The following GTPBP4 variants were observed in gnomAD, a reference collection of about 807,000 sequenced individuals.
GTPBP4 encodes GTP binding protein 4.
GTPBP4 carries 15 observed loss-of-function variants against 81.7 expected under a neutral mutation model. The observed-to-expected ratio is 0.18, with a 90% CI of 0.12 to 0.28. The LOEUF (loss-of-function observed/expected upper bound fraction) is 0.28. Ranked by LOEUF, GTPBP4 falls within the 10% of genes least tolerant of loss-of-function variation. The pLI is 1.00. For missense variants in GTPBP4, 847 were observed against 793.8 expected, an observed-to-expected ratio of 1.07 and a Z score of -0.81; for synonymous variants, 272 against 274.6, an observed-to-expected ratio of 0.99 and a Z score of 0.09.
rs762446248 is a variant in GTPBP4 at position 1,007,018 on chromosome 10, G to T, written c.1003G>T (p.Ala335Ser). The change falls in exon 10 of 17, where the codon GCT becomes TCT. Residue 335 changes from alanine to serine, a missense_variant and splice_region_variant. Around this residue, in one of 3 missense-constraint regions of GTPBP4, gnomAD observed 600 missense variants for 557.1 expected, o/e 1.08. Coordinates refer to ENST00000360803, the MANE Select transcript of GTPBP4 (RefSeq NM_012341.3). Reference sequence around the variant, plus strand: ...TGTGCCTTCTTTTTTACGTTATTAGGCTTGCGATAGGCTTTTGGCTCATCG... The same window carrying T: ...TGTGCCTTCTTTTTTACGTTATTAGTCTTGCGATAGGCTTTTGGCTCATCG... ...EEGVIKVKTE[A>S]CDRLLAHRVE... 3 of 1,597,304 alleles carry T rather than the reference G, an allele frequency of 1.9e-6. 1 individual carries two copies. The highest frequency in any genetic ancestry group is 1.7e-4 in the Middle Eastern group (1 of 6,040).
chr10:994,812 G>A (rs1831510199), intron 2 of GTPBP4, among the ~76,000 whole-genome samples: 4 of 152,216 alleles, frequency 2.6e-5, no homozygotes, highest in Admixed American at 2.6e-4. Flanking sequence ...TAGATATTAA[G>A]TTGTCATTCA....
chr10:1,019,577 C>T lies in GTPBP4; in HGVS notation c.*2350C>T, dbSNP rs533129607. The T allele has an allele frequency of 1.2e-6, 2 of 1,614,020 alleles. No homozygotes were observed. Among genetic ancestry groups the T allele is most frequent in the South Asian group, 2.2e-5 (2 of 91,066 alleles). On this transcript the variant is annotated 3_prime_UTR_variant, in exon 17 of 17. Coordinates refer to ENST00000360803, the MANE Select transcript of GTPBP4 (RefSeq NM_012341.3). The stretch of plus-strand genomic sequence containing the variant: ...GGGTCACGTCATCCAGGTGAGGCCA[C>T]CACCGGTACAGAAACCTCTCGGCAA...
chr10:1,002,883 C>G (rs1831661515), intron 8 of GTPBP4, among the ~76,000 whole-genome samples: 1 of 152,106 alleles, frequency 6.6e-6, no homozygotes, highest in South Asian at 2.1e-4. Flanking sequence ...TATAATGTGC[C>G]TTGGGGAAGA....
intron 8 of GTPBP4, among the ~76,000 whole-genome samples, chr10:1,001,812 T>C (rs917926185): frequency 5.9e-5 from 9 of 152,168 alleles, no homozygotes; most frequent in African/African-American, 1.9e-4. Context: ...GCCTAACATA[T>C]GGTCTATCCT....
chr10:1,019,400 G>C lies in GTPBP4; in HGVS notation c.*2173G>C. The C allele has an allele frequency of 1.5e-6, 1 of 675,930 alleles. No homozygotes were observed. The highest frequency in any genetic ancestry group is 2.7e-5 in the East Asian group (1 of 36,488). The allele number at this position is 675,930 out of a possible 1,614,324, so 41.9% of individuals were successfully genotyped here. On this transcript the variant is annotated 3_prime_UTR_variant, in exon 17 of 17. Transcript: ENST00000360803. ...AAGGTTGAAATAGTGATTTATACAT[G>C]ATGGGCAATCAAGTGCCCCTTTTGC...
rs1013699759 is a variant in GTPBP4, at chr10:988,763, C to G, written c.48+236C>G. 4.9e-5 allele frequency: 25 copies of G among 515,448 alleles called. No individual in the cohort carries two copies. The Admixed American group carries it at 8.9e-4, about 18-fold the overall frequency. 31.9% of individuals were successfully genotyped at this position (515,448 alleles called of 1,614,324 possible). ...GGGGTCCACCTAAGACCGTGGTCCA[C>G]CCAAAGACTGAGGGCCCCCAGAGAT... On this transcript the variant is annotated intron_variant, in intron 1 of 16. Coordinates refer to ENST00000360803, the MANE Select transcript of GTPBP4 (RefSeq NM_012341.3).
chr10:1,018,056 C>G lies in GTPBP4; in HGVS notation c.*829C>G, dbSNP rs1230648874. The G allele has an allele frequency of 6.6e-6, 1 of 152,140 alleles. No individual in the cohort carries two copies. Among genetic ancestry groups the G allele is most frequent in the Non-Finnish European group, 1.5e-5 (1 of 68,006 alleles). 9.4% of individuals were successfully genotyped at this position (152,140 alleles called of 1,614,324 possible). A position where few individuals can be genotyped will look rare whatever the true frequency, so the allele number is the denominator to read the frequency against. ...AGCCACCACGGATAAGTTATCAAGT[C>G]ACACAATCAACATTATAGCTGAGGA... On this transcript the variant is annotated 3_prime_UTR_variant, in exon 17 of 17. Transcript: ENST00000360803.
Position 1,019,441 on chromosome 10 carries a change from G to T in GTPBP4, c.*2214G>T. On this transcript the variant is annotated 3_prime_UTR_variant, in exon 17 of 17. Coordinates refer to ENST00000360803, the MANE Select transcript of GTPBP4 (RefSeq NM_012341.3). The stretch of plus-strand genomic sequence containing the variant: ...CCCCTTTTGCCCTGTTTTTTGGAGA[G>T]GGTGTATCATTGCCTCAATGGTGCG... 1.7e-6 allele frequency: 2 copies of T among 1,188,740 alleles called. No individual in the cohort carries two copies. The highest frequency in any genetic ancestry group is 2.4e-6 in the Non-Finnish European group (2 of 848,770). 73.6% of individuals were successfully genotyped at this position (1,188,740 alleles called of 1,614,324 possible). A position where few individuals can be genotyped will look rare whatever the true frequency, so the allele number is the denominator to read the frequency against.
intron 2 of GTPBP4, 116 bp from the exon 3 acceptor site, chr10:995,813 A>C (rs1290467528): frequency 5.1e-5 from 33 of 642,110 alleles, no homozygotes; most frequent in Non-Finnish European, 9.3e-5. Context: ...CAGGAGAGGG[A>C]ACTGGGGAGG....
intron 5 of GTPBP4, among the ~76,000 whole-genome samples, chr10:998,058 TCACTTTATTTTTAATTAA>T (rs1831563914): frequency 1.3e-5 from 2 of 152,066 alleles, no homozygotes; most frequent in African/African-American, 4.8e-5. Context: ...AGTGCCAAGA[TCACTTTATTTTTAATTAA>T]AAAAATTTTT....
chr10:997,329 A>G, intron 5 of GTPBP4, 21 bp downstream of exon 5: 1 of 1,256,674 alleles, frequency 8.0e-7, no homozygotes, highest in Non-Finnish European at 1.2e-6. Flanking sequence ...TTTTTATCGT[A>G]AAGCAAATCA....
intron 1 of GTPBP4, among the ~76,000 whole-genome samples, chr10:992,234 A>G (rs1831457170): frequency 6.6e-6 from 1 of 151,074 alleles, no homozygotes. Flanking sequence ...CCCCATCTCT[A>G]CTAAAAATGC....
rs377529511 is a variant in GTPBP4, at chr10:1,015,901, G to C, written c.1752+5G>C. On this transcript the variant is annotated splice_donor_5th_base_variant and intron_variant, in intron 16 of 16. Transcript: ENST00000360803. ...TCTGGTCTTAGGGATGTCAAGGTCAGTCTCTGTGTTGTGTAATGTAATAAA... is the reference window on the plus strand; with the variant it reads ...TCTGGTCTTAGGGATGTCAAGGTCACTCTCTGTGTTGTGTAATGTAATAAA... 1 of 1,609,240 alleles carries C rather than the reference G, an allele frequency of 6.2e-7. No individual in the cohort carries two copies. Among genetic ancestry groups the C allele is most frequent in the Non-Finnish European group, 8.5e-7 (1 of 1,177,000 alleles).
intron 1 of GTPBP4, among the ~76,000 whole-genome samples, chr10:989,114 C>A (rs1480340231): frequency 9.8e-6 from 1 of 102,078 alleles, no homozygotes; most frequent in African/African-American, 3.9e-5. Flanking sequence ...AGTATTAGGA[C>A]TTTTTTTTTT....
At chr10:1,008,829 T>TC (rs1831798576) in intron 10 of GTPBP4, 129 bp from the exon 11 acceptor site, 1 of 744,348 alleles carries the variant, frequency 1.3e-6, no homozygotes, top group Non-Finnish European at 2.4e-6. Context: ...AATCTGTTGG[T>TC]TGTTCATTGG....
chr10:995,034 G>A lies in GTPBP4; in HGVS notation c.220-895G>A, dbSNP rs867822580. ...AGCAGGTGCAGGAGACCCAGGAGGT[G>A]GGGCAGGCTAGGGAGGTGAACACTG... On this transcript the variant is annotated intron_variant, in intron 2 of 16. Transcript: ENST00000360803. Among the ~76,000 whole-genome samples the A allele has an allele frequency of 7.9e-5, 12 of 152,346 alleles. No individual in the cohort carries two copies. In the South Asian group the frequency reaches 2.5e-3, roughly 32 times the overall value.
chr10:1,010,965 AC>A (rs1455730059), intron 13 of GTPBP4, among the ~76,000 whole-genome samples: 1 of 136,224 alleles, frequency 7.3e-6, no homozygotes, highest in African/African-American at 2.9e-5. Flanking sequence ...ATTCTCCTGC[AC>A]CCCTCCATCC....
rs779184414 is a variant in GTPBP4 at position 1,015,820 on chromosome 10, C to T, written c.1676C>T (p.Ala559Val). ...ITRKRKREDS[A>V]PPSSVARSGS... ...AGGAAAAGAAAGCGGGAAGACTCTGCTCCCCCGTCCTCTGTGGCCCGGAGT... is the reference window on the plus strand; with the variant it reads ...AGGAAAAGAAAGCGGGAAGACTCTGTTCCCCCGTCCTCTGTGGCCCGGAGT... The change falls in exon 16 of 17, where the codon GCT becomes GTT. Residue 559 changes from alanine to valine, a missense_variant. Physicochemically the swap from Ala to Val is moderately conservative, Grantham distance 64. Transcript: ENST00000360803. 7 of 1,613,764 alleles carry T rather than the reference C, an allele frequency of 4.3e-6. No homozygotes were observed. In the South Asian group the frequency reaches 6.6e-5, roughly 15 times the overall value.
chr10:1,004,111 AG>A (rs747207811), intron 8 of GTPBP4, among the ~76,000 whole-genome samples: 1 of 152,112 alleles, frequency 6.6e-6, no homozygotes, highest in African/African-American at 2.4e-5. Context: ...CCTGGGAAGC[AG>A]GGTAGAGCTG....
Sources: gnomAD v4.1 joint callset for allele counts (sites outside exome capture counted in the v4.1 genomes callset) on GRCh38, gnomAD v4.1.1 for gene constraint, gnomAD v4.1.1 regional missense constraint, MANE v1.5 for transcripts, NCBI Gene and HGNC (gene_info 2026-07-23, HGNC 2026-07-21) for gene names.